LSAMP: variants seen among roughly 807,000 people sequenced by gnomAD.
LSAMP encodes limbic system associated membrane protein, also known as limbic system-associated membrane protein.
LSAMP carries 7 observed loss-of-function variants against 38.6 expected under a neutral mutation model. The observed-to-expected ratio is 0.18, with a 90% CI of 0.10 to 0.34. The LOEUF (loss-of-function observed/expected upper bound fraction) is 0.34. Among genes scored for constraint, LSAMP ranks in the 10% least tolerant of loss-of-function variants. The pLI, the probability that LSAMP is intolerant of heterozygous loss-of-function variation, is 1.00. For missense variants in LSAMP, 313 were observed against 420.0 expected (o/e 0.75, Z 2.23); for synonymous variants, 154 against 166.8 (o/e 0.92, Z 0.59).
intron 3 of LSAMP, among the ~76,000 whole-genome samples, chr3:116,015,211 TGA>T (rs1490318106): frequency 3.9e-5 from 6 of 152,196 alleles, no homozygotes; most frequent in Non-Finnish European, 7.3e-5. Flanking sequence ...GTGTGCCTTT[TGA>T]GTTTTTCAGT....
At chr3:115,830,227 A>T (rs1225141965) in intron 6 of LSAMP, among the ~76,000 whole-genome samples, 1 of 152,240 alleles carries the variant, frequency 6.6e-6, no homozygotes, top group Non-Finnish European at 1.5e-5. Flanking sequence ...ATGCTTTCAT[A>T]TAAATCTGTG....
intron 1 of LSAMP, among the ~76,000 whole-genome samples, chr3:116,220,534 G>T (rs1378264477): frequency 6.6e-6 from 1 of 152,112 alleles, no homozygotes; most frequent in Non-Finnish European, 1.5e-5. Flanking sequence ...TGACTATTGG[G>T]ACTTAGGGAC....
At chr3:116,353,408 T>C (rs886809135) in intron 1 of LSAMP, among the ~76,000 whole-genome samples, 2 of 152,108 alleles carry the variant, frequency 1.3e-5, no homozygotes, top group African/African-American at 4.8e-5. Context: ...AACTTTATTA[T>C]AAACTGCCTT....
intron 1 of LSAMP, among the ~76,000 whole-genome samples, chr3:116,349,743 A>G (rs2048112285): frequency 6.6e-6 from 1 of 152,068 alleles, no homozygotes; most frequent in Non-Finnish European, 1.5e-5. Context: ...AAAGCAATGT[A>G]GTCACACGCC....
At chr3:116,122,786 A>T (rs556026655) in intron 1 of LSAMP, among the ~76,000 whole-genome samples, 35 of 152,320 alleles carry the variant, frequency 2.3e-4, no homozygotes, top group African/African-American at 8.2e-4. Context: ...AAGCTCCTCG[A>T]TTCTCTCCCT....
Position 116,424,117 on chromosome 3 carries a change from G to GT in LSAMP, c.155+20759dup, listed in dbSNP as rs755504221. 2.6e-5 allele frequency among the ~76,000 whole-genome samples: 4 copies of GT among 152,278 alleles called. No homozygotes were observed. The East Asian group carries it at 7.7e-4, about 29-fold the overall frequency. ...GTGGCCCTTTGACTTCAATTATCTT[G>GT]TTAAAAAGTCTGAGCTTTATTTCCA... On this transcript the variant is annotated intron_variant, in intron 1 of 6. Coordinates refer to ENST00000490035, the MANE Select transcript of LSAMP (RefSeq NM_002338.5).
chr3:116,334,918 T>A (rs749135630), intron 1 of LSAMP, among the ~76,000 whole-genome samples: 1 of 152,010 alleles, frequency 6.6e-6, no homozygotes, highest in Non-Finnish European at 1.5e-5. Flanking sequence ...ATAAAATGAA[T>A]CCATATTGGA....
intron 3 of LSAMP, among the ~76,000 whole-genome samples, chr3:115,968,320 C>A (rs937715040): frequency 1.3e-5 from 2 of 152,032 alleles, no homozygotes; most frequent in African/African-American, 4.8e-5. Flanking sequence ...AGTGAGCTCG[C>A]CTGTGAGTCA....
At chr3:115,866,702 C>T (rs1427038447) in intron 3 of LSAMP, among the ~76,000 whole-genome samples, 2 of 152,058 alleles carry the variant, frequency 1.3e-5, no homozygotes, top group African/African-American at 4.8e-5. Context: ...TGCAAAGTTA[C>T]ATTCAAATGA....
intron 1 of LSAMP, among the ~76,000 whole-genome samples, chr3:116,161,622 G>T (rs1206019891): frequency 2.0e-5 from 3 of 152,112 alleles, no homozygotes; most frequent in Non-Finnish European, 4.4e-5. Flanking sequence ...TGACCTCCCT[G>T]TTCTAAGCAA....
At chr3:116,338,184 T>C (rs941083616) in intron 1 of LSAMP, among the ~76,000 whole-genome samples, 1 of 151,986 alleles carries the variant, frequency 6.6e-6, no homozygotes, top group African/African-American at 2.4e-5. Context: ...CCTCTAGACA[T>C]AGCTATGAAG....
intron 1 of LSAMP, among the ~76,000 whole-genome samples, chr3:116,366,311 C>A (rs1434331300): frequency 6.6e-6 from 1 of 152,110 alleles, no homozygotes; most frequent in African/African-American, 2.4e-5. Context: ...GACTGGATTG[C>A]CTACAGCCAA....
chr3:116,017,870 C>T (rs888830164), intron 3 of LSAMP, among the ~76,000 whole-genome samples: 1 of 152,002 alleles, frequency 6.6e-6, no homozygotes, highest in Non-Finnish European at 1.5e-5. Context: ...TTATAATATC[C>T]TTAAATATGA....
At chr3:115,977,669 T>C (rs9829179) in intron 3 of LSAMP, among the ~76,000 whole-genome samples, 3,727 of 151,240 alleles carry the variant, frequency 0.025, 140 homozygotes, top group African/African-American at 0.083. Context: ...TCCTCCTTAT[T>C]GTCCAAGCTG....
intron 1 of LSAMP, among the ~76,000 whole-genome samples, chr3:116,114,394 G>A (rs1015950644): frequency 6.6e-6 from 1 of 152,200 alleles, no homozygotes; most frequent in Non-Finnish European, 1.5e-5. Context: ...GGGTTGGAAG[G>A]AAGAAGAAAG....
chr3:116,204,049 C>A (rs1452172792), intron 1 of LSAMP, among the ~76,000 whole-genome samples: 2 of 151,554 alleles, frequency 1.3e-5, no homozygotes, highest in Non-Finnish European at 3.0e-5. Context: ...TCTCCACATC[C>A]TCTCCACCAC....
intron 3 of LSAMP, among the ~76,000 whole-genome samples, chr3:115,934,539 A>G (rs913809659): frequency 6.6e-6 from 1 of 152,200 alleles, no homozygotes; most frequent in Non-Finnish European, 1.5e-5. Flanking sequence ...TGTAAAATAC[A>G]TATATACTAT....
intron 1 of LSAMP, among the ~76,000 whole-genome samples, chr3:116,350,581 A>G (rs994117894): frequency 2.0e-5 from 3 of 151,546 alleles, no homozygotes; most frequent in African/African-American, 7.3e-5. Flanking sequence ...CATCTCGGTT[A>G]TCAGATCAAC....
chr3:116,089,263 G>GT (rs1374632452), intron 1 of LSAMP, among the ~76,000 whole-genome samples: 1 of 152,132 alleles, frequency 6.6e-6, no homozygotes, highest in Admixed American at 6.5e-5. Flanking sequence ...ATAGCACCTT[G>GT]TTTTTGATCT....
Sources: allele counts gnomAD v4.1 joint callset (sites outside exome capture counted in the v4.1 genomes callset), GRCh38; gene constraint gnomAD v4.1.1; transcripts MANE v1.5; gene names NCBI Gene and HGNC (gene_info 2026-07-23, HGNC 2026-07-21).